The following EYA2 variants were observed in gnomAD, a reference collection of about 807,000 sequenced individuals.
The protein encoded by EYA2 is protein phosphatase EYA2.
A neutral mutation model predicts 69.2 loss-of-function variants in EYA2; 31 were observed. That is an observed-to-expected ratio of 0.45 (90% CI 0.34 to 0.60). The LOEUF is 0.60. Ranked by LOEUF, EYA2 falls within the 20% of genes least tolerant of loss-of-function variation. The pLI is 0.02. For missense variants in EYA2, 622 were observed against 701.2 expected (o/e 0.89, Z 1.28); for synonymous variants, 257 against 279.4 (o/e 0.92, Z 0.80).
intron 1 of EYA2, among the ~76,000 whole-genome samples, chr20:46,904,539 G>A (rs1055636910): frequency 3.3e-5 from 5 of 152,042 alleles, no homozygotes; most frequent in African/African-American, 7.2e-5. Context: ...AGACTTCAAC[G>A]CTGCTATTGA....
At chr20:46,976,454 A>C (rs1296187608) in intron 1 of EYA2, among the ~76,000 whole-genome samples, 8 of 152,074 alleles carry the variant, frequency 5.3e-5, no homozygotes, top group Admixed American at 3.9e-4. Flanking sequence ...GGTGCGATCT[A>C]GGCTCACTGC....
chr20:47,146,101 C>T (rs571061877), intron 10 of EYA2, among the ~76,000 whole-genome samples: 4 of 152,062 alleles, frequency 2.6e-5, no homozygotes, highest in African/African-American at 9.6e-5. Flanking sequence ...GGCAAGGACT[C>T]CTGGGCTTGA....
intron 1 of EYA2, among the ~76,000 whole-genome samples, chr20:46,916,707 G>A (rs949965242): frequency 5.3e-5 from 8 of 152,182 alleles, no homozygotes; most frequent in African/African-American, 1.7e-4. Context: ...CTGGGATATA[G>A]TGGGGGGCTT....
chr20:47,004,910 C>T (rs2146351072), intron 3 of EYA2, 32 bp from the exon 4 acceptor site: 1 of 1,614,046 alleles, frequency 6.2e-7, no homozygotes, highest in South Asian at 1.1e-5. Context: ...CAGACTGGGC[C>T]TGGAGATTTA....
At chr20:47,000,556 T>A (rs1982299126) in intron 2 of EYA2, among the ~76,000 whole-genome samples, 1 of 152,218 alleles carries the variant, frequency 6.6e-6, no homozygotes, top group Admixed American at 6.5e-5. Context: ...TGTCCAGGAC[T>A]CTGCAGTGAG....
At position 47,083,491 on chromosome 20, in the gene EYA2, T is replaced by A. The variant is rs571320273; in HGVS notation, c.662-5748T>A. Among the ~76,000 whole-genome samples the A allele has an allele frequency of 3.4e-5, 5 of 146,398 alleles. No homozygotes were observed. The East Asian group carries it at 8.1e-4, about 24-fold the overall frequency. On this transcript the variant is annotated intron_variant, in intron 7 of 15. Coordinates refer to ENST00000327619, the MANE Select transcript of EYA2 (RefSeq NM_005244.5). ...TACTTGGGAGGCTGAGGCAGGAGAA[T>A]CCCTTGAACCAGGGAGGTGGAGGTT...
At chr20:47,097,219 G>C (rs1414740364) in intron 9 of EYA2, 51 bp downstream of exon 9, 2 of 1,413,622 alleles carry the variant, frequency 1.4e-6, no homozygotes. Flanking sequence ...CAACGTTATT[G>C]TCCAGCCAGT....
At chr20:47,129,350 T>C (rs1191755350) in intron 9 of EYA2, among the ~76,000 whole-genome samples, 3 of 152,132 alleles carry the variant, frequency 2.0e-5, no homozygotes, top group Non-Finnish European at 2.9e-5. Flanking sequence ...GTTTATTTCA[T>C]AGGGAATGGT....
At chr20:46,993,757 G>C (rs57414768) in intron 2 of EYA2, among the ~76,000 whole-genome samples, 5,409 of 152,234 alleles carry the variant, frequency 0.036, 314 homozygotes, top group African/African-American at 0.12. Flanking sequence ...AGGAGCATGA[G>C]GAATGCAAGA....
chr20:47,015,679 T>C (rs751436860), intron 4 of EYA2, among the ~76,000 whole-genome samples: 6 of 152,178 alleles, frequency 3.9e-5, no homozygotes, highest in Non-Finnish European at 7.3e-5. Flanking sequence ...TGGTGGCATG[T>C]ACAAAATATG....
At chr20:47,046,129 A>G (rs1373258556) in intron 5 of EYA2, among the ~76,000 whole-genome samples, 1 of 152,222 alleles carries the variant, frequency 6.6e-6, no homozygotes, top group African/African-American at 2.4e-5. Context: ...TTCCTGGTTC[A>G]TAGACCACTA....
intron 5 of EYA2, among the ~76,000 whole-genome samples, chr20:47,061,870 G>A (rs530906721): frequency 7.9e-5 from 12 of 152,212 alleles, no homozygotes; most frequent in African/African-American, 2.9e-4. Context: ...ATTTGGAAAC[G>A]GATTCTTCCC....
At chr20:47,063,590 T>C (rs1248510982) in intron 5 of EYA2, among the ~76,000 whole-genome samples, 1 of 152,146 alleles carries the variant, frequency 6.6e-6, no homozygotes, top group Non-Finnish European at 1.5e-5. Context: ...CTGCCCCTTT[T>C]CCACTTTGTT....
chr20:47,048,498 G>GA (rs1322812101), intron 5 of EYA2, among the ~76,000 whole-genome samples: 1 of 152,200 alleles, frequency 6.6e-6, no homozygotes, highest in African/African-American at 2.4e-5. Context: ...AGCAGTTTGG[G>GA]AGACCAAGGC....
At chr20:47,057,365 C>G (rs2030679564) in intron 5 of EYA2, among the ~76,000 whole-genome samples, 1 of 152,206 alleles carries the variant, frequency 6.6e-6, no homozygotes, top group Non-Finnish European at 1.5e-5. Context: ...GAGAAATAGA[C>G]TATGAAGCCT....
chr20:46,902,026 T>A (rs909093091), intron 1 of EYA2, among the ~76,000 whole-genome samples: 1 of 152,118 alleles, frequency 6.6e-6, no homozygotes, highest in Non-Finnish European at 1.5e-5. Context: ...TCAGCAAATG[T>A]CTAAAACGCT....
chr20:47,152,893 C>G (rs2146616307), intron 10 of EYA2, among the ~76,000 whole-genome samples: 1 of 151,346 alleles, frequency 6.6e-6, no homozygotes, highest in South Asian at 2.1e-4. Flanking sequence ...AATCACACCA[C>G]TTCACTCCAG....
intron 1 of EYA2, among the ~76,000 whole-genome samples, chr20:46,912,554 TA>T (rs1984692523): frequency 1.3e-5 from 2 of 152,260 alleles, no homozygotes; most frequent in East Asian, 3.9e-4. Context: ...AGCTTTTGTT[TA>T]GGGGGGAAAG....
intron 1 of EYA2, among the ~76,000 whole-genome samples, chr20:46,964,685 T>C (rs1157371860): frequency 6.6e-6 from 1 of 152,198 alleles, no homozygotes; most frequent in East Asian, 1.9e-4. Flanking sequence ...AACAACCCCA[T>C]TGGTAAGTAC....
Sources: allele counts gnomAD v4.1 joint callset (sites outside exome capture counted in the v4.1 genomes callset), GRCh38; gene constraint gnomAD v4.1.1; transcripts MANE v1.5; gene names NCBI Gene and HGNC (gene_info 2026-07-23, HGNC 2026-07-21).